Variants in SERGEF observed in about 807,000 individuals in gnomAD.
SERGEF encodes the protein secretion-regulating guanine nucleotide exchange factor.
SERGEF carries 51 observed loss-of-function variants against 50.0 expected under a neutral mutation model. The ratio of observed to expected loss-of-function variants is 1.02; its 90% CI spans 0.81 to 1.29. SERGEF has a LOEUF of 1.29. Ranked by LOEUF, SERGEF falls within the 50% of genes most tolerant of loss-of-function variation. The probability of loss-of-function intolerance (pLI) is 0.00; values close to 1 mark genes in which losing one functional copy is unlikely to be tolerated. For missense variants in SERGEF, 521 were observed against 557.0 expected (o/e 0.94, Z 0.65); for synonymous variants, 205 against 212.4 (o/e 0.97, Z 0.30).
intron 9 of SERGEF, among the ~76,000 whole-genome samples, chr11:17,890,026 CAAAAAAAAA>C (rs59805347): frequency 1.4e-5 from 1 of 73,970 alleles, no homozygotes; most frequent in Admixed American, 1.7e-4. Flanking sequence ...ACACTTCAAC[CAAAAAAAAA>C]AAAAAAAAAA....
chr11:17,828,418 C>G (rs1850239982), intron 10 of SERGEF, among the ~76,000 whole-genome samples: 1 of 152,200 alleles, frequency 6.6e-6, no homozygotes. Context: ...GCTGACCAGC[C>G]CTGCCGTGTG....
Position 17,865,544 on chromosome 11 carries a change from G to A in SERGEF, c.1048+12664C>T, listed in dbSNP as rs145061987. ...ACAAGATGTGGAGGTGAAAGACAGTGATATTGATAATTCTGACCCCGTACA... is the reference window on the plus strand; with the variant it reads ...ACAAGATGTGGAGGTGAAAGACAGTAATATTGATAATTCTGACCCCGTACA... On this transcript the variant is annotated intron_variant, in intron 10 of 10. Transcript: ENST00000265965. Among the ~76,000 whole-genome samples, 910 of 152,086 alleles carry A rather than the reference G, an allele frequency of 6.0e-3. 7 individuals carry two copies. Among genetic ancestry groups the A allele is most frequent in the Non-Finnish European group, 9.7e-3 (658 of 67,996 alleles).
intron 9 of SERGEF, among the ~76,000 whole-genome samples, chr11:17,957,011 A>G (rs1852888969): frequency 6.6e-6 from 1 of 152,182 alleles, no homozygotes; most frequent in South Asian, 2.1e-4. Flanking sequence ...ACAGCTGGAG[A>G]CAATTCCCAG....
In SERGEF at chr11:18,012,973, G is replaced by C. The variant is rs932069191; in HGVS notation, c.38C>G (p.Ala13Gly). 5 of 1,472,444 alleles carry C rather than the reference G, an allele frequency of 3.4e-6. No individual in the cohort carries two copies. Among genetic ancestry groups the C allele is most frequent in the African/African-American group, 3.0e-5 (2 of 67,416 alleles). 91.2% of individuals were successfully genotyped at this position (1,472,444 alleles called of 1,614,324 possible). ...REPSASEAAP[A>G]AAALFAWGAN... is the part of the protein sequence containing the mutation. ...TACCCAGGCGAAGAGCGCGGCCGCC[G>C]CGGGGGCGGCCTCCGAGGCGCTGGG... Residue 13 changes from alanine (A) to glycine (G), a missense_variant, in exon 1 of 11, where the codon GCG becomes GGG. Transcript: ENST00000265965.
chr11:17,937,784 G>A (rs1425280375), intron 9 of SERGEF, among the ~76,000 whole-genome samples: 3 of 152,092 alleles, frequency 2.0e-5, no homozygotes, highest in Non-Finnish European at 4.4e-5. Flanking sequence ...GGAATCTTTG[G>A]GGAGAGAGTT....
chr11:17,801,205 A>AAG (rs920896418), intron 10 of SERGEF, among the ~76,000 whole-genome samples: 9 of 151,690 alleles, frequency 5.9e-5, no homozygotes, highest in Admixed American at 1.3e-4. Flanking sequence ...AAAAAAAAAA[A>AAG]AAAGAAAGAA....
chr11:17,806,455 A>G (rs1046471975), intron 10 of SERGEF, among the ~76,000 whole-genome samples: 11 of 152,120 alleles, frequency 7.2e-5, no homozygotes, highest in African/African-American at 2.7e-4. Context: ...CTGGATCACT[A>G]TTTTACCCTT....
chr11:17,844,661 C>T (rs1432541931), intron 10 of SERGEF, among the ~76,000 whole-genome samples: 1 of 152,156 alleles, frequency 6.6e-6, no homozygotes, highest in Non-Finnish European at 1.5e-5. Context: ...AATGATGGGC[C>T]TCCTGTTGCC....
At chr11:17,810,959 T>G (rs1439189213) in intron 10 of SERGEF, among the ~76,000 whole-genome samples, 1 of 152,208 alleles carries the variant, frequency 6.6e-6, no homozygotes, top group African/African-American at 2.4e-5. Flanking sequence ...CTGCATCCAG[T>G]ATCAGTGTTC....
chr11:17,975,071 A>G (rs1853340927), intron 8 of SERGEF, among the ~76,000 whole-genome samples: 1 of 152,218 alleles, frequency 6.6e-6, no homozygotes, highest in African/African-American at 2.4e-5. Context: ...CTGCCTATGC[A>G]CACAGTAACT....
At chr11:17,819,793 G>T (rs545840776) in intron 10 of SERGEF, among the ~76,000 whole-genome samples, 2 of 152,212 alleles carry the variant, frequency 1.3e-5, no homozygotes, top group Non-Finnish European at 2.9e-5. Flanking sequence ...AACCAGAGGT[G>T]CTGGGCAAAA....
Position 17,797,582 on chromosome 11 carries a change from TA to T in SERGEF, c.1049-9170del, listed in dbSNP as rs533013413. ...GCTCTATTTTTCTTCATTTTTTTTT[TA>T]CAGTTTATTTATTTTATGATCTCTC... is the stretch of plus-strand genomic sequence containing the variant. On this transcript the variant is annotated intron_variant, in intron 10 of 10. Transcript: ENST00000265965. Among the ~76,000 whole-genome samples, 476 of 152,272 alleles carry T rather than the reference TA, an allele frequency of 3.1e-3. 3 individuals carry two copies. The highest frequency in any genetic ancestry group is 0.011 in the African/African-American group (458 of 41,540).
At chr11:17,966,766 G>T (rs7111411) in intron 8 of SERGEF, among the ~76,000 whole-genome samples, 1 of 152,010 alleles carries the variant, frequency 6.6e-6, no homozygotes, top group Non-Finnish European at 1.5e-5. Flanking sequence ...ACAGAAATAA[G>T]ATTTCCAAAT....
chr11:17,933,085 C>T (rs1395820180), intron 9 of SERGEF, among the ~76,000 whole-genome samples: 1 of 152,052 alleles, frequency 6.6e-6, no homozygotes, highest in Non-Finnish European at 1.5e-5. Context: ...CTCCAGTATA[C>T]CACAAAATGT....
intron 9 of SERGEF, among the ~76,000 whole-genome samples, chr11:17,915,669 C>T (rs1207672319): frequency 6.6e-6 from 1 of 152,214 alleles, no homozygotes; most frequent in East Asian, 1.9e-4. Context: ...AAGCGTGGTA[C>T]ATTTCACAGA....
At chr11:17,796,479 G>A (rs1849573852) in intron 10 of SERGEF, among the ~76,000 whole-genome samples, 1 of 152,198 alleles carries the variant, frequency 6.6e-6, no homozygotes, top group Non-Finnish European at 1.5e-5. Flanking sequence ...CTGTGGGAAT[G>A]GGTTAATTAT....
chr11:17,912,189 CAG>C (rs1851968214), intron 9 of SERGEF, among the ~76,000 whole-genome samples: 1 of 152,070 alleles, frequency 6.6e-6, no homozygotes, highest in Non-Finnish European at 1.5e-5. Context: ...GTGAAGGAGA[CAG>C]GGGGATGACA....
chr11:17,893,660 C>T (rs549894046), intron 9 of SERGEF, among the ~76,000 whole-genome samples: 114 of 152,288 alleles, frequency 7.5e-4, no homozygotes, highest in Non-Finnish European at 1.5e-3. Flanking sequence ...CCACTAGTAT[C>T]CACGTGCAGA....
rs1366211378 is a variant in SERGEF, at chr11:17,884,679, A to AAG, written c.1012-6436_1012-6435insCT. Among the ~76,000 whole-genome samples the AAG allele has an allele frequency of 2.6e-5, 4 of 152,028 alleles. No individual in the cohort carries two copies. The highest frequency in any genetic ancestry group is 6.6e-5 in the Admixed American group (1 of 15,266). On this transcript the variant is annotated intron_variant, in intron 9 of 10. Coordinates refer to ENST00000265965, the MANE Select transcript of SERGEF (RefSeq NM_012139.4). The surrounding 1 kb of genome is among the most constrained non-coding windows in gnomAD (Gnocchi z 4.6). ...AACCTAGCCTTACTAAGATATCTTT[A>AAG]ACTCTCTCTGTGGGCTTGAATTTGT...
Sources: allele counts gnomAD v4.1 joint callset (sites outside exome capture counted in the v4.1 genomes callset), GRCh38; gene constraint gnomAD v4.1.1; non-coding constraint Gnocchi (gnomAD v3.1); transcripts MANE v1.5; gene names NCBI Gene and HGNC (gene_info 2026-07-23, HGNC 2026-07-21).